The following PLXDC2 variants were observed in gnomAD, a reference collection of about 807,000 sequenced individuals.
The protein encoded by PLXDC2 is plexin domain containing 2.
In PLXDC2, 40 loss-of-function variants were observed where a neutral mutation model predicts 68.9. That is an observed-to-expected ratio of 0.58 (90% CI 0.45 to 0.76). The LOEUF is 0.76. Ranked by LOEUF, PLXDC2 falls within the 30% of genes least tolerant of loss-of-function variation. PLXDC2 has a pLI of 0.00. For missense variants in PLXDC2, 644 were observed against 661.9 expected (o/e 0.97, Z 0.30); for synonymous variants, 243 against 234.2 (o/e 1.04, Z -0.34).
intron 1 of PLXDC2, among the ~76,000 whole-genome samples, chr10:19,909,024 A>G (rs1356738870): frequency 6.6e-6 from 1 of 152,214 alleles, no homozygotes. Context: ...AGTGGTCCTT[A>G]TGACTGTTTC....
intron 4 of PLXDC2, among the ~76,000 whole-genome samples, chr10:20,099,527 T>C (rs1184325010): frequency 1.3e-5 from 2 of 152,206 alleles, no homozygotes; most frequent in Non-Finnish European, 2.9e-5. Context: ...CTCAAAAGAA[T>C]GTTGTTTCAA....
intron 1 of PLXDC2, among the ~76,000 whole-genome samples, chr10:19,964,295 T>G (rs928221946): frequency 6.6e-6 from 1 of 152,166 alleles, no homozygotes; most frequent in Non-Finnish European, 1.5e-5. Context: ...CTTTTGTCGG[T>G]TGGTTGGTTT....
At chr10:19,867,626 C>G (rs776190319) in intron 1 of PLXDC2, among the ~76,000 whole-genome samples, 13 of 152,244 alleles carry the variant, frequency 8.5e-5, no homozygotes, top group Middle Eastern at 3.4e-3. Context: ...CACAATTTTT[C>G]CTTTATTTCC....
intron 1 of PLXDC2, among the ~76,000 whole-genome samples, chr10:19,856,088 C>A (rs377546196): frequency 1.2e-3 from 180 of 152,134 alleles, no homozygotes; most frequent in African/African-American, 4.0e-3. Context: ...GAGTAAGACT[C>A]TGTCTCCAAA....
intron 4 of PLXDC2, among the ~76,000 whole-genome samples, chr10:20,096,216 C>T (rs1833347451): frequency 6.6e-6 from 1 of 152,140 alleles, no homozygotes; most frequent in African/African-American, 2.4e-5. Flanking sequence ...TTGTGCATAA[C>T]GAATCTCTCT....
At chr10:20,258,301 A>G (rs1835768600) in intron 13 of PLXDC2, among the ~76,000 whole-genome samples, 1 of 151,732 alleles carries the variant, frequency 6.6e-6, no homozygotes, top group Admixed American at 6.6e-5. Context: ...GTGCCTGCCC[A>G]GTTTTCTTTC....
Position 20,253,750 on chromosome 10 carries a change from T to C in PLXDC2, c.1473+8245T>C, listed in dbSNP as rs140646007. Among the ~76,000 whole-genome samples the C allele has an allele frequency of 6.6e-3, 1,002 of 152,312 alleles. 8 individuals are homozygous for C. The highest frequency in any genetic ancestry group is 0.012 in the Non-Finnish European group (835 of 68,018). ...TCATGTTTTATCTTAAAAATTTATA[T>C]GAGTTTCGTATTATTCTCTTTAATA... On this transcript the variant is annotated intron_variant, in intron 13 of 13. Coordinates refer to ENST00000377252, the MANE Select transcript of PLXDC2 (RefSeq NM_032812.9).
At chr10:19,837,152 A>G (rs1465688266) in intron 1 of PLXDC2, among the ~76,000 whole-genome samples, 1 of 151,952 alleles carries the variant, frequency 6.6e-6, no homozygotes, top group African/African-American at 2.4e-5. Flanking sequence ...TGAGGACTAA[A>G]AGGGCTGATT....
chr10:20,148,483 A>AT (rs969306480), intron 6 of PLXDC2, among the ~76,000 whole-genome samples: 1 of 152,172 alleles, frequency 6.6e-6, no homozygotes, highest in Non-Finnish European at 1.5e-5. Flanking sequence ...GGTTTGTTTC[A>AT]TTTTAACAAA....
At chr10:19,829,899 A>G (rs954720035) in intron 1 of PLXDC2, among the ~76,000 whole-genome samples, 2 of 152,226 alleles carry the variant, frequency 1.3e-5, no homozygotes, top group Non-Finnish European at 2.9e-5. Flanking sequence ...AGAGAAAGGG[A>G]TACTTTAATC....
intron 1 of PLXDC2, among the ~76,000 whole-genome samples, chr10:19,854,181 G>A (rs1196484655): frequency 1.3e-5 from 2 of 152,312 alleles, no homozygotes; most frequent in East Asian, 3.9e-4. Context: ...GCAGCAGGGC[G>A]AGTGGATGAG....
intron 9 of PLXDC2, among the ~76,000 whole-genome samples, chr10:20,182,067 TTA>T (rs1259063719): frequency 2.1e-5 from 2 of 94,504 alleles, no homozygotes; most frequent in African/African-American, 1.2e-4. Flanking sequence ...AGGAAACCGG[TTA>T]TTTGTGTGTG....
At chr10:20,039,897 C>T (rs531148382) in intron 2 of PLXDC2, among the ~76,000 whole-genome samples, 154 of 152,252 alleles carry the variant, frequency 1.0e-3, no homozygotes, top group African/African-American at 3.5e-3. Flanking sequence ...TATACACATT[C>T]ATATTTGAAT....
At chr10:19,864,944 G>A (rs372767414) in intron 1 of PLXDC2, among the ~76,000 whole-genome samples, 76 of 152,308 alleles carry the variant, frequency 5.0e-4, no homozygotes, top group African/African-American at 1.8e-3. Flanking sequence ...AGAAAGCCAG[G>A]AAGAGAGGCA....
At chr10:20,014,088 C>T (rs1411757595) in intron 2 of PLXDC2, among the ~76,000 whole-genome samples, 2 of 152,192 alleles carry the variant, frequency 1.3e-5, no homozygotes, top group Non-Finnish European at 2.9e-5. Flanking sequence ...TTTACATTCA[C>T]TATTCCTCAA....
At chr10:19,962,904 G>A (rs1834183830) in intron 1 of PLXDC2, among the ~76,000 whole-genome samples, 1 of 149,626 alleles carries the variant, frequency 6.7e-6, no homozygotes, top group South Asian at 2.1e-4. Context: ...GCGGGAGAAT[G>A]GCGTGAACCT....
intron 1 of PLXDC2, among the ~76,000 whole-genome samples, chr10:19,843,960 A>G (rs1055748062): frequency 2.6e-5 from 4 of 152,204 alleles, no homozygotes; most frequent in Non-Finnish European, 5.9e-5. Context: ...AATGATAAAC[A>G]GTGAAGGTGA....
At chr10:19,973,232 G>GTATATACACACATATATATGTATATATA (rs1834384639) in intron 1 of PLXDC2, among the ~76,000 whole-genome samples, 2 of 147,924 alleles carry the variant, frequency 1.4e-5, no homozygotes, top group African/African-American at 5.0e-5. Context: ...GTATATATAT[G>GTATATACACACATATATATGTATATATA]TATATACACA....
intron 7 of PLXDC2, among the ~76,000 whole-genome samples, chr10:20,174,553 C>A (rs374916443): frequency 5.3e-5 from 8 of 152,002 alleles, no homozygotes; most frequent in Non-Finnish European, 1.0e-4. Context: ...GACCCTTTCT[C>A]CACCCCTTCT....
Sources: allele counts gnomAD v4.1 joint callset (sites outside exome capture counted in the v4.1 genomes callset), GRCh38; gene constraint gnomAD v4.1.1; transcripts MANE v1.5; gene names NCBI Gene and HGNC (gene_info 2026-07-23, HGNC 2026-07-21).